LRRC75B: variants seen among roughly 807,000 people sequenced by gnomAD.
LRRC75B encodes leucine-rich repeat-containing protein 75B.
A neutral mutation model predicts 16.5 loss-of-function variants in LRRC75B; 20 were observed. The ratio of observed to expected loss-of-function variants is 1.21; its 90% CI spans 0.85 to 1.76. LRRC75B has a LOEUF of 1.76. LRRC75B is among the 40% of genes most tolerant of loss of function. LRRC75B has a pLI of 0.00. For synonymous variants in LRRC75B, 199 were observed against 198.1 expected (o/e 1.00, Z -0.04); for missense variants, 406 against 417.0 (o/e 0.97, Z 0.23).
chr22:24,589,190 A>G, intron 2 of LRRC75B: 1 of 1,199,226 alleles, frequency 8.3e-7, no homozygotes, highest in Non-Finnish European at 1.1e-6. Flanking sequence ...GGCTGGTCAC[A>G]GCCACACATC....
chr22:24,591,449 C>T (rs1191120396), intron 1 of LRRC75B, among the ~76,000 whole-genome samples: 1 of 152,208 alleles, frequency 6.6e-6, no homozygotes. Flanking sequence ...CTCTAGACCC[C>T]ATGTGGGCCT....
chr22:24,586,516 A>T, intron 3 of LRRC75B, 105 bp from the exon 4 acceptor site: 2 of 1,201,376 alleles, frequency 1.7e-6, no homozygotes, highest in Non-Finnish European at 2.4e-6. Context: ...AGTCTGGCAA[A>T]GCCAGATTCA....
chr22:24,591,287 C>G (rs998845582), intron 1 of LRRC75B, among the ~76,000 whole-genome samples: 1 of 152,246 alleles, frequency 6.6e-6, no homozygotes, highest in African/African-American at 2.4e-5. Context: ...CCATGTTGGT[C>G]AGGCTGGTCT....
In LRRC75B at chr22:24,593,040, G is replaced by A. The variant is rs1427780922; in HGVS notation, c.-1C>T. ...CCCGCCGGCCCAGCCGCGCCCCCAT[G>A]GCCGCCGCGCGATGGTCGCCGAACC... On this transcript the variant is annotated 5_prime_UTR_variant, in exon 1 of 4. Coordinates refer to ENST00000318753, the MANE Select transcript of LRRC75B (RefSeq NM_207644.3). 74 of 1,044,880 alleles carry A rather than the reference G, an allele frequency of 7.1e-5. No homozygotes were observed. Among genetic ancestry groups the A allele is most frequent in the Non-Finnish European group, 8.0e-5 (70 of 869,904 alleles). 64.7% of individuals were successfully genotyped at this position (1,044,880 alleles called of 1,614,324 possible). A position where few individuals can be genotyped will look rare whatever the true frequency, so the allele number is the denominator to read the frequency against.
intron 2 of LRRC75B, chr22:24,588,883 C>A: frequency 9.9e-7 from 1 of 1,006,822 alleles, no homozygotes; most frequent in Non-Finnish European, 1.2e-6. Context: ...TCTCTCAGTC[C>A]TAACTGGGCT....
rs1189775991 is a variant in LRRC75B at position 24,593,015 on chromosome 22, C to T, written c.25G>A (p.Ala9Thr). The T allele has an allele frequency of 9.2e-7, 1 of 1,091,506 alleles. No individual in the cohort carries two copies. The highest frequency in any genetic ancestry group is 5.9e-5 in the East Asian group (1 of 16,862). 67.6% of individuals were successfully genotyped at this position (1,091,506 alleles called of 1,614,324 possible). A position where few individuals can be genotyped will look rare whatever the true frequency, so the allele number is the denominator to read the frequency against. Residue 9 changes from alanine to threonine, a missense_variant, in exon 1 of 4, where the codon GCC (alanine) becomes ACC (threonine). Coordinates refer to ENST00000318753, the MANE Select transcript of LRRC75B (RefSeq NM_207644.3). MGARLGRR[A>T]GPEAGSEAGA... The stretch of plus-strand genomic sequence containing the variant: ...GCCTCAGAGCCAGCCTCGGGCCCGG[C>T]CCGCCGGCCCAGCCGCGCCCCCATG...
At chr22:24,588,164 A>G in intron 3 of LRRC75B, 50 bp downstream of exon 3, 1 of 1,421,752 alleles carries the variant, frequency 7.0e-7, no homozygotes, top group South Asian at 1.2e-5. Flanking sequence ...CAACCTGAGA[A>G]GGGACCTTGG....
intron 1 of LRRC75B, among the ~76,000 whole-genome samples, chr22:24,591,531 C>T (rs1305352189): frequency 6.6e-6 from 1 of 152,178 alleles, no homozygotes; most frequent in Admixed American, 6.5e-5. Flanking sequence ...CAGGGGAGGC[C>T]GTGGGTCACA....
At chr22:24,588,395 G>GA in intron 2 of LRRC75B, 66 bp from the exon 3 acceptor site, 1 of 1,268,648 alleles carries the variant, frequency 7.9e-7, no homozygotes, top group South Asian at 1.2e-5. Flanking sequence ...GCCTTGGGGA[G>GA]AGGGACCCAG....
intron 2 of LRRC75B, chr22:24,588,657 T>C: frequency 8.8e-7 from 1 of 1,136,470 alleles, no homozygotes. Context: ...CTGCCCACCC[T>C]CAGCACCCTT....
chr22:24,589,553 C>T (rs922810925), intron 2 of LRRC75B: 5 of 472,540 alleles, frequency 1.1e-5, no homozygotes, highest in African/African-American at 4.1e-5. Context: ...GGTCTGGGCC[C>T]CCAGGCCTGG....
Position 24,586,354 on chromosome 22 carries a change from G to A in LRRC75B, c.480C>T (p.Gly160=), listed in dbSNP as rs1443325839. 3 of 1,613,882 alleles carry A rather than the reference G, an allele frequency of 1.9e-6. No individual in the cohort carries two copies. The highest frequency in any genetic ancestry group is 2.5e-6 in the Non-Finnish European group (3 of 1,180,048). ...GCACGTCCTGTGTCGACAGCGGGATGCCTGAGAGGTCCACAGTCTCCCCTG... is the reference window on the plus strand; with the variant it reads ...GCACGTCCTGTGTCGACAGCGGGATACCTGAGAGGTCCACAGTCTCCCCTG... ...LLAGETVDLS[G]IPLSTQDVQH... The change falls in exon 4 of 4, where the codon GGC becomes GGT. Residue 160 remains glycine (G), a synonymous_variant. Transcript: ENST00000318753.
rs756337986 is a variant in LRRC75B, at chr22:24,586,384, CAG to C, written c.448_449del (p.Leu150AlafsTer44). The C allele has an allele frequency of 3.7e-6, 6 of 1,613,284 alleles. No homozygotes were observed. Among genetic ancestry groups the C allele is most frequent in the South Asian group, 3.3e-5 (3 of 91,048 alleles). On this transcript the variant is annotated frameshift_variant, in exon 4 of 4. Coordinates refer to ENST00000318753, the MANE Select transcript of LRRC75B (RefSeq NM_207644.3). LOFTEE classifies it low-confidence loss of function (END_TRUNC). The part of the protein sequence containing the change: ...SCLKSSLQKT[L>X]LAGETVDLSG... ...AGAGGTCCACAGTCTCCCCTGCCAG[CAG>C]AGTCTTCTGGAGGCTGCTCTTGAGG...
chr22:24,586,445 C>T, intron 3 of LRRC75B, 34 bp from the exon 4 acceptor site: 1 of 1,581,312 alleles, frequency 6.3e-7, no homozygotes, highest in Non-Finnish European at 8.6e-7. Context: ...ATGGACTAGG[C>T]AACCAGGCAG....
At chr22:24,588,047 G>C (rs1453976574) in intron 3 of LRRC75B, among the ~76,000 whole-genome samples, 167 bp downstream of exon 3, 1 of 152,144 alleles carries the variant, frequency 6.6e-6, no homozygotes, top group Non-Finnish European at 1.5e-5. Flanking sequence ...GGGAGCATCT[G>C]CTACCACGGG....
chr22:24,592,727 C>T (rs1437164176), intron 1 of LRRC75B, 136 bp downstream of exon 1: 2 of 1,295,442 alleles, frequency 1.5e-6, no homozygotes, highest in Non-Finnish European at 2.0e-6. Context: ...AACCCGCCTG[C>T]GCGCGCCAGA....
At chr22:24,586,512 G>C in intron 3 of LRRC75B, 101 bp from the exon 4 acceptor site, 4 of 1,244,780 alleles carry the variant, frequency 3.2e-6, no homozygotes, top group Non-Finnish European at 4.5e-6. Flanking sequence ...CTACAGTCTG[G>C]CAAAGCCAGA....
chr22:24,587,770 TAG>T (rs1281319749), intron 3 of LRRC75B, among the ~76,000 whole-genome samples: 5 of 152,262 alleles, frequency 3.3e-5, no homozygotes, highest in Non-Finnish European at 5.9e-5. Flanking sequence ...AAAATCAGGG[TAG>T]AGTGTGGCCT....
Position 24,586,212 on chromosome 22 carries a change from GC to G in LRRC75B, c.621del (p.Arg209AlafsTer12), listed in dbSNP as rs1206947983. The G allele has an allele frequency of 6.2e-7, 1 of 1,613,618 alleles. No homozygotes were observed. Among genetic ancestry groups the G allele is most frequent in the African/African-American group, 1.3e-5 (1 of 74,962 alleles). Reference protein sequence around the residue: ...LHLLLPSLWALPRLTQLLLNG... With the variant: ...LHLLLPSLWAXPRLTQLLLNG... ...TTGAGCAGGAGCTGGGTGAGGCGGG[GC>G]AGCGCCCACAGGCTGGGCAGCAGGA... On this transcript the variant is annotated frameshift_variant, in exon 4 of 4. Transcript: ENST00000318753. LOFTEE classifies it low-confidence loss of function (END_TRUNC).
Sources: gnomAD v4.1 joint callset for allele counts (sites outside exome capture counted in the v4.1 genomes callset) on GRCh38, gnomAD v4.1.1 for gene constraint, MANE v1.5 for transcripts, NCBI Gene and HGNC (gene_info 2026-07-23, HGNC 2026-07-21) for gene names.